DDX60: variants seen among roughly 807,000 people sequenced by gnomAD.
DDX60 encodes the protein probable ATP-dependent RNA helicase DDX60.
Under a neutral mutation model 212.8 loss-of-function variants are expected in DDX60, and 165 were observed. The ratio of observed to expected loss-of-function variants is 0.78; its 90% CI spans 0.68 to 0.88. The LOEUF (loss-of-function observed/expected upper bound fraction) is 0.88. Among genes scored for constraint, DDX60 ranks in the 40% least tolerant of loss-of-function variants. The probability of loss-of-function intolerance (pLI) is 0.00; values close to 1 mark genes in which losing one functional copy is unlikely to be tolerated. For missense variants in DDX60, 1,905 were observed against 2,003.9 expected, an observed-to-expected ratio of 0.95 and a Z score of 0.94; for synonymous variants, 703 against 685.3, an observed-to-expected ratio of 1.03 and a Z score of -0.40.
chr4:168,262,008 C>G lies in DDX60; in HGVS notation c.3265G>C (p.Val1089Leu), dbSNP rs142270706. 6.3e-7 allele frequency: 1 copy of G among 1,593,220 alleles called. No homozygotes were observed. The highest frequency in any genetic ancestry group is 8.5e-7 in the Non-Finnish European group (1 of 1,173,000). ...AAGCGTATGAAAATTACCTGCTCTA[C>G]GTTGCCATTTTTAATCCAACTTGTT... is the stretch of plus-strand genomic sequence containing the variant. ...ELTSWIKNGN[V>L]EQARMVLQNL... The change falls in exon 24 of 38, where the codon GTA (valine) becomes CTA (leucine). Residue 1089 changes from valine (V) to leucine (L), a missense_variant. By Grantham distance (32) the Val-to-Leu change is conservative. Transcript: ENST00000393743.
intron 14 of DDX60, 131 bp from the exon 15 acceptor site, chr4:168,276,312 A>C: frequency 1.5e-6 from 1 of 661,620 alleles, no homozygotes; most frequent in Non-Finnish European, 2.4e-6. Flanking sequence ...AGTAGAAAGG[A>C]CCAAATAAAG....
At chr4:168,303,728 A>T (rs1736750636) in intron 5 of DDX60, among the ~76,000 whole-genome samples, 1 of 152,198 alleles carries the variant, frequency 6.6e-6, no homozygotes, top group Non-Finnish European at 1.5e-5. Flanking sequence ...TCACGTCTGT[A>T]ATCCCAGCAC....
At chr4:168,221,165 G>A (rs1369511493) in intron 36 of DDX60, among the ~76,000 whole-genome samples, 1 of 152,028 alleles carries the variant, frequency 6.6e-6, no homozygotes, top group East Asian at 1.9e-4. Flanking sequence ...AACATTTTAT[G>A]TAAAAAACAA....
At chr4:168,235,531 C>T (rs1733602150) in intron 33 of DDX60, among the ~76,000 whole-genome samples, 1 of 152,114 alleles carries the variant, frequency 6.6e-6, no homozygotes, top group African/African-American at 2.4e-5. Context: ...ATTGTGTTCA[C>T]TGCTCTAGAG....
In DDX60 at chr4:168,224,231, C is replaced by T. The variant is rs1284319732; in HGVS notation, c.4824+12G>A. On this transcript the variant is annotated intron_variant, in intron 35 of 37. Transcript: ENST00000393743. ...AAACAGCTTTTATTAATAAACCCCACTCTTCACTTACATGGTTTGGAGTTT... is the reference window on the plus strand; with the variant it reads ...AAACAGCTTTTATTAATAAACCCCATTCTTCACTTACATGGTTTGGAGTTT... 1 of 1,611,676 alleles carries T rather than the reference C, an allele frequency of 6.2e-7. No homozygotes were observed. The highest frequency in any genetic ancestry group is 1.1e-5 in the South Asian group (1 of 90,992).
intron 22 of DDX60, among the ~76,000 whole-genome samples, chr4:168,267,092 C>A (rs192979016): frequency 6.6e-6 from 1 of 152,100 alleles, no homozygotes; most frequent in Admixed American, 6.5e-5. Flanking sequence ...ACTCACACCC[C>A]GGTGTCCCAG....
At position 168,288,222 on chromosome 4, in the gene DDX60, G is replaced by T; in HGVS notation, c.1135C>A (p.Leu379Ile). ...TAAAAAGCAATATTCTTCAACAAAA[G>T]CTCATCATTTAAGTCAGAAAGGTGA... is the stretch of plus-strand genomic sequence containing the variant. ...LIHLSDLNDELLLKNIAFYYE... is the reference protein window; with the variant it reads ...LIHLSDLNDEILLKNIAFYYE... Residue 379 changes from leucine to isoleucine, a missense_variant, in exon 9 of 38, where the codon CTT becomes ATT. By Grantham distance (5) the Leu-to-Ile change is conservative (BLOSUM62 2). Coordinates refer to ENST00000393743, the MANE Select transcript of DDX60 (RefSeq NM_017631.6). The T allele has an allele frequency of 6.6e-7, 1 of 1,519,500 alleles. No homozygotes were observed. 94.1% of individuals were successfully genotyped at this position (1,519,500 alleles called of 1,614,324 possible). A position where few individuals can be genotyped will look rare whatever the true frequency, so the allele number is the denominator to read the frequency against.
chr4:168,231,487 C>A (rs560953257), intron 33 of DDX60, among the ~76,000 whole-genome samples: 38 of 151,884 alleles, frequency 2.5e-4, no homozygotes, highest in Non-Finnish European at 5.0e-4. Flanking sequence ...CAAACAGAAT[C>A]CAACAGCAGA....
At chr4:168,238,131 A>AG (rs1254324302) in intron 30 of DDX60, among the ~76,000 whole-genome samples, 14 of 149,592 alleles carry the variant, frequency 9.4e-5, no homozygotes, top group Admixed American at 3.4e-4. Flanking sequence ...TAATGTAACT[A>AG]GGTTGATTTC....
chr4:168,270,111 T>C (rs1484965708), intron 19 of DDX60, among the ~76,000 whole-genome samples: 5 of 152,342 alleles, frequency 3.3e-5, no homozygotes, highest in South Asian at 2.1e-4. Flanking sequence ...CAGTGTCTAA[T>C]AGATAAGGCA....
chr4:168,312,119 G>A (rs1011733968), intron 1 of DDX60, among the ~76,000 whole-genome samples: 2 of 152,146 alleles, frequency 1.3e-5, no homozygotes, highest in African/African-American at 4.8e-5. Flanking sequence ...ATTTGGAACT[G>A]GACTGGATGT....
chr4:168,288,249 T>C lies in DDX60; in HGVS notation c.1108A>G (p.Ile370Val). Residue 370 changes from isoleucine to valine, a missense_variant, in exon 9 of 38, where the codon ATT becomes GTT. Physicochemically the swap from Ile to Val is conservative, Grantham distance 29. Coordinates refer to ENST00000393743, the MANE Select transcript of DDX60 (RefSeq NM_017631.6). ...TCATCATTTAAGTCAGAAAGGTGAA[T>C]TAAATTCAGATTCCAAAATTCAAAA... is the stretch of plus-strand genomic sequence containing the variant. ...HTFEFWNLNL[I>V]HLSDLNDELL... 1 of 1,511,092 alleles carries C rather than the reference T, an allele frequency of 6.6e-7. No homozygotes were observed. The highest frequency in any genetic ancestry group is 9.1e-7 in the Non-Finnish European group (1 of 1,103,282). The allele number at this position is 1,511,092 out of a possible 1,614,324, so 93.6% of individuals were successfully genotyped here.
intron 13 of DDX60, 118 bp from the exon 14 acceptor site, chr4:168,280,708 T>TA: frequency 8.6e-7 from 1 of 1,162,776 alleles, no homozygotes. Flanking sequence ...CCATTTTGAG[T>TA]AGATGTGAAA....
At chr4:168,300,968 T>G in intron 6 of DDX60, among the ~76,000 whole-genome samples, 1 of 151,950 alleles carries the variant, frequency 6.6e-6, no homozygotes, top group Non-Finnish European at 1.5e-5. Context: ...TCAGGGGGAG[T>G]GATGGTTGAA....
At chr4:168,295,122 A>G (rs1263889352) in intron 6 of DDX60, among the ~76,000 whole-genome samples, 2 of 152,216 alleles carry the variant, frequency 1.3e-5, no homozygotes, top group African/African-American at 4.8e-5. Context: ...ACTCTAATAC[A>G]TTGTTGGTAG....
At position 168,297,579 on chromosome 4, in the gene DDX60, A is replaced by G. The variant is rs1166565623; in HGVS notation, c.724-3634T>C. Among the ~76,000 whole-genome samples the G allele has an allele frequency of 2.0e-5, 3 of 152,194 alleles. No individual in the cohort carries two copies. In the East Asian group the frequency reaches 5.8e-4, roughly 29 times the overall value. ...AACCAAAAAAGGTCAGAAAAATAAT[A>G]GTGGAAATGAAAGACAGAAAAATAT... is the stretch of plus-strand genomic sequence containing the variant. On this transcript the variant is annotated intron_variant, in intron 6 of 37. Transcript: ENST00000393743.
chr4:168,255,663 G>A (rs953090088), intron 26 of DDX60, 48 bp downstream of exon 26: 4 of 1,452,784 alleles, frequency 2.8e-6, no homozygotes, highest in South Asian at 1.4e-5. Context: ...TAGGACTTGG[G>A]GAGTATTTTA....
At chr4:168,291,662 C>A in intron 8 of DDX60, 86 bp downstream of exon 8, 1 of 1,286,682 alleles carries the variant, frequency 7.8e-7, no homozygotes, top group South Asian at 1.7e-5. Context: ...AATAGTAGTC[C>A]CACATAAGAG....
At chr4:168,229,668 G>A (rs574708103) in intron 33 of DDX60, among the ~76,000 whole-genome samples, 25 of 152,028 alleles carry the variant, frequency 1.6e-4, no homozygotes, top group East Asian at 3.9e-4. Context: ...TAAATTCAGC[G>A]CTATTGGGGA....
Sources: allele counts gnomAD v4.1 joint callset (sites outside exome capture counted in the v4.1 genomes callset), GRCh38; gene constraint gnomAD v4.1.1; transcripts MANE v1.5; gene names NCBI Gene and HGNC (gene_info 2026-07-23, HGNC 2026-07-21).